The following GRAMD4 variants were observed in gnomAD, a reference collection of about 807,000 sequenced individuals.
The protein encoded by GRAMD4 is GRAM domain containing 4, also known as GRAM domain-containing protein 4.
In GRAMD4, 25 loss-of-function variants were observed where a neutral mutation model predicts 83.9. The observed-to-expected ratio is 0.30, with a 90% CI of 0.22 to 0.42. The LOEUF is 0.42. Ranked by LOEUF, GRAMD4 falls within the 10% of genes least tolerant of loss-of-function variation. The pLI is 1.00. For synonymous variants in GRAMD4, 336 were observed against 320.9 expected (o/e 1.05, Z -0.50); for missense variants, 593 against 788.7 (o/e 0.75, Z 2.97).
chr22:46,618,521 A>G (rs1438413380), upstream of GRAMD4, among the ~76,000 whole-genome samples: 2 of 151,988 alleles, frequency 1.3e-5, no homozygotes, highest in African/African-American at 4.8e-5. The surrounding 1 kb of genome is among the most constrained non-coding windows in gnomAD (Gnocchi z 5.8). Context: ...CCAAGCCTAG[A>G]TGAGCCAGAG....
intron 1 of GRAMD4, among the ~76,000 whole-genome samples, chr22:46,602,731 T>C (rs1057419777): frequency 5.9e-5 from 9 of 151,750 alleles, no homozygotes; most frequent in African/African-American, 2.2e-4. Context: ...AAGGGCTGTT[T>C]GTTTTTCCTT....
chr22:46,618,684 T>C (rs953775704), upstream of GRAMD4, among the ~76,000 whole-genome samples: 2 of 151,950 alleles, frequency 1.3e-5, no homozygotes, highest in African/African-American at 4.8e-5. This position sits in a 1 kb window ranked among gnomAD's most constrained non-coding sequence, Gnocchi z 5.8. Context: ...CGCGGCTGCC[T>C]GGACCAGGCT....
intron 3 of GRAMD4, among the ~76,000 whole-genome samples, chr22:46,648,283 TG>T (rs1465751675): frequency 6.6e-6 from 1 of 150,904 alleles, no homozygotes; most frequent in African/African-American, 2.5e-5. Flanking sequence ...GGGTAAATGT[TG>T]GGTGGATGGA....
intron 1 of GRAMD4, among the ~76,000 whole-genome samples, chr22:46,595,887 A>G (rs1813567211): frequency 6.6e-6 from 1 of 151,876 alleles, no homozygotes; most frequent in Non-Finnish European, 1.5e-5. Context: ...CCACCTTCCC[A>G]GCTTACCCAG....
At chr22:46,675,653 C>T (rs2082586014) in intron 17 of GRAMD4, 101 bp downstream of exon 17, 2 of 803,064 alleles carry the variant, frequency 2.5e-6, no homozygotes, top group African/African-American at 1.7e-5. Flanking sequence ...CCTCTGTCAG[C>T]ATCTGGGCGC....
intron 2 of GRAMD4, among the ~76,000 whole-genome samples, chr22:46,631,166 T>C (rs571348144): frequency 1.3e-5 from 2 of 152,370 alleles, no homozygotes; most frequent in African/African-American, 4.8e-5. Context: ...ACACAGAGCA[T>C]TGAATGTACC....
chr22:46,638,022 G>GT (rs1569279888), intron 3 of GRAMD4, 62 bp downstream of exon 3: 1 of 1,564,614 alleles, frequency 6.4e-7, no homozygotes, highest in Non-Finnish European at 8.8e-7. Context: ...GCTGAGATGG[G>GT]GGATGTCGTC....
In GRAMD4 at chr22:46,621,946, C is replaced by G. The variant is rs1756228399; in HGVS notation, c.-50+1381C>G. On this transcript the variant is annotated intron_variant, in intron 1 of 18. Coordinates refer to ENST00000406902, the MANE Select transcript of GRAMD4 (RefSeq NM_015124.5). This position sits in a 1 kb window ranked among gnomAD's most constrained non-coding sequence, Gnocchi z 5.8. ...GTGGTGGAGTCAGTGGGGCTGAGAG[C>G]AGGGTCGTCTAGGACCCTGATGTGT... Among the ~76,000 whole-genome samples the G allele has an allele frequency of 6.6e-6, 1 of 152,150 alleles. No individual in the cohort carries two copies. Among genetic ancestry groups the G allele is most frequent in the Admixed American group, 6.5e-5 (1 of 15,278 alleles).
chr22:46,595,767 A>G (rs1424339752), intron 1 of GRAMD4, among the ~76,000 whole-genome samples: 2 of 152,244 alleles, frequency 1.3e-5, no homozygotes, highest in Non-Finnish European at 2.9e-5. Context: ...CAGGCCACAC[A>G]GGCAGGTGAC....
chr22:46,603,767 C>T (rs1455238536), intron 1 of GRAMD4, among the ~76,000 whole-genome samples: 1 of 152,046 alleles, frequency 6.6e-6, no homozygotes, highest in African/African-American at 2.4e-5. Flanking sequence ...CCGCCCGCCT[C>T]GGCCTCCCAA....
At chr22:46,595,112 G>C (rs2081248838) in intron 1 of GRAMD4, among the ~76,000 whole-genome samples, 3 of 152,282 alleles carry the variant, frequency 2.0e-5, no homozygotes, top group Middle Eastern at 6.8e-3. Context: ...TGCGGCCCGG[G>C]GGGAGAGTGT....
intron 3 of GRAMD4, among the ~76,000 whole-genome samples, chr22:46,641,581 C>T (rs1224931147): frequency 2.0e-5 from 3 of 152,166 alleles, no homozygotes; most frequent in African/African-American, 7.2e-5. Flanking sequence ...TAGACCAGGT[C>T]ACCTGCTGGA....
chr22:46,638,984 C>T (rs910613229), intron 3 of GRAMD4, among the ~76,000 whole-genome samples: 1 of 152,242 alleles, frequency 6.6e-6, no homozygotes, highest in African/African-American at 2.4e-5. Context: ...TCACCTGGTG[C>T]TCAAGGGTCC....
chr22:46,659,013 T>C lies in GRAMD4; in HGVS notation c.404+706T>C, dbSNP rs2082287636. Among the ~76,000 whole-genome samples the C allele has an allele frequency of 6.6e-6, 1 of 152,088 alleles. No individual in the cohort carries two copies. Among genetic ancestry groups the C allele is most frequent in the Admixed American group, 6.5e-5 (1 of 15,272 alleles). ...GGTCATTCAGGACCCCAGCGCAAGT[T>C]ACAAAGCCAGTGCCCTCCTGTCTCG... On this transcript the variant is annotated intron_variant, in intron 4 of 18. Coordinates refer to ENST00000406902, the MANE Select transcript of GRAMD4 (RefSeq NM_015124.5). This position sits in a 1 kb window ranked among gnomAD's most constrained non-coding sequence, Gnocchi z 4.1.
intron 1 of GRAMD4, among the ~76,000 whole-genome samples, chr22:46,580,899 A>C (rs2081090945): frequency 1.3e-5 from 2 of 148,798 alleles, no homozygotes; most frequent in Non-Finnish European, 1.5e-5. Context: ...CCCGGGAGGC[A>C]GAGGTTGGGG....
At chr22:46,681,840 G>A (rs947155487), downstream of GRAMD4, among the ~76,000 whole-genome samples, 5 of 152,316 alleles carry the variant, frequency 3.3e-5, no homozygotes, top group East Asian at 1.9e-4. Flanking sequence ...AGTGAGTGAC[G>A]CTGGGAACCC....
intron 1 of GRAMD4, among the ~76,000 whole-genome samples, chr22:46,607,212 G>A (rs895001739): frequency 6.6e-6 from 1 of 151,898 alleles, no homozygotes; most frequent in Non-Finnish European, 1.5e-5. Context: ...AAAAGGGGGG[G>A]GTCATACAGC....
chr22:46,667,249 T>A (rs373098202), intron 10 of GRAMD4, among the ~76,000 whole-genome samples: 74 of 152,094 alleles, frequency 4.9e-4, no homozygotes, highest in African/African-American at 1.7e-3. Context: ...TGTTCCCATC[T>A]GAGATTCAAG....
chr22:46,597,780 C>T (rs144185213), intron 1 of GRAMD4, among the ~76,000 whole-genome samples: 390 of 152,310 alleles, frequency 2.6e-3, no homozygotes, highest in African/African-American at 8.9e-3. Context: ...TGAGCTACCA[C>T]GCCCGGCCTC....
Sources: allele counts gnomAD v4.1 joint callset (sites outside exome capture counted in the v4.1 genomes callset), GRCh38; gene constraint gnomAD v4.1.1; non-coding constraint Gnocchi (gnomAD v3.1); transcripts MANE v1.5; gene names NCBI Gene and HGNC (gene_info 2026-07-23, HGNC 2026-07-21).